The following POU6F2 variants were observed in gnomAD, a reference collection of about 807,000 sequenced individuals.
POU6F2 encodes the protein POU class 6 homeobox 2.
In POU6F2, 31 loss-of-function variants were observed where a neutral mutation model predicts 71.3. That is an observed-to-expected ratio of 0.43 (90% CI 0.33 to 0.59). The LOEUF (loss-of-function observed/expected upper bound fraction) is 0.59. POU6F2 is among the 20% of genes least tolerant of loss of function. The probability of loss-of-function intolerance (pLI) is 0.04; values close to 1 mark genes in which losing one functional copy is unlikely to be tolerated. For synonymous variants in POU6F2, 347 were observed against 355.7 expected, an observed-to-expected ratio of 0.98 and a Z score of 0.27; for missense variants, 783 against 856.8, an observed-to-expected ratio of 0.91 and a Z score of 1.07.
chr7:39,432,754 T>A (rs1450098031), intron 6 of POU6F2, among the ~76,000 whole-genome samples: 2 of 152,002 alleles, frequency 1.3e-5, no homozygotes, highest in Non-Finnish European at 1.5e-5. Context: ...GAGAAGCCCA[T>A]CCTCCCTCTG....
intron 5 of POU6F2, among the ~76,000 whole-genome samples, chr7:39,340,997 G>A (rs568255877): frequency 1.1e-4 from 17 of 152,286 alleles, no homozygotes; most frequent in African/African-American, 4.1e-4. Flanking sequence ...GCAGCCTGTG[G>A]ACCTGTTTCA....
At chr7:39,129,624 TATAGATAGATAG>T (rs3999864) in intron 2 of POU6F2, among the ~76,000 whole-genome samples, 268 of 149,346 alleles carry the variant, frequency 1.8e-3, no homozygotes, top group East Asian at 2.6e-3. Flanking sequence ...ACAATAGATA[TATAGATAGATAG>T]ATAGATAGAT....
At chr7:39,284,873 G>T (rs1475989148) in intron 4 of POU6F2, among the ~76,000 whole-genome samples, 3 of 152,138 alleles carry the variant, frequency 2.0e-5, no homozygotes, top group African/African-American at 7.2e-5. Context: ...CCAAATATCT[G>T]TAGTCCCTAA....
chr7:39,345,720 A>C (rs1786020516), intron 5 of POU6F2, among the ~76,000 whole-genome samples: 1 of 152,212 alleles, frequency 6.6e-6, no homozygotes, highest in South Asian at 2.1e-4. Context: ...AAGAATCCAC[A>C]TGGGGTAGGC....
intron 4 of POU6F2, among the ~76,000 whole-genome samples, chr7:39,289,798 G>A (rs1784717122): frequency 6.6e-6 from 1 of 152,204 alleles, no homozygotes; most frequent in South Asian, 2.1e-4. Flanking sequence ...TTCAGTCAGA[G>A]ATGTTACATT....
intron 1 of POU6F2, chr7:39,034,386 A>G (rs1790011998): frequency 3.3e-6 from 1 of 306,114 alleles, no homozygotes. Flanking sequence ...AGTAGGAGAG[A>G]GGGGGGAGGC....
intron 1 of POU6F2, among the ~76,000 whole-genome samples, chr7:39,078,845 A>G (rs1188545610): frequency 6.6e-6 from 1 of 152,176 alleles, no homozygotes; most frequent in African/African-American, 2.4e-5. Flanking sequence ...ATGCCTGGCT[A>G]CTGGGAAATG....
rs146320821 is a variant in POU6F2, at chr7:39,306,426, C to T, written c.599-33216C>T. Among the ~76,000 whole-genome samples, 274 of 152,212 alleles carry T rather than the reference C, an allele frequency of 1.8e-3. 3 individuals carry two copies. The highest frequency in any genetic ancestry group is 5.7e-3 in the African/African-American group (237 of 41,528). ...AAGCTTGCTTTATGGATGAGGAAAC[C>T]GAGGTTCAGGAGGTTAAGTAACATA... On this transcript the variant is annotated intron_variant, in intron 4 of 9. Coordinates refer to ENST00000518318, the MANE Select transcript of POU6F2 (RefSeq NM_001370959.1).
rs763260888 is a variant in POU6F2 at position 39,460,674 on chromosome 7, T to C, written c.1617T>C (p.Ser539=). The C allele has an allele frequency of 3.7e-6, 6 of 1,608,590 alleles. No homozygotes were observed. In the African/African-American group the frequency reaches 8.0e-5, roughly 22 times the overall value. ...AGACTCAGGTGGGACAGGCTCTCAG[T>C]GCTACAGAGGGCCCCGCGTACAGCC... The part of the protein sequence containing the change: ...LTQTQVGQAL[S]ATEGPAYSQS... The change falls in exon 9 of 10, where the codon AGT becomes AGC. Residue 539 remains serine (S), a synonymous_variant. Coordinates refer to ENST00000518318, the MANE Select transcript of POU6F2 (RefSeq NM_001370959.1). This position sits in a 1 kb window ranked among gnomAD's most constrained non-coding sequence, Gnocchi z 4.4.
At chr7:39,077,951 G>A (rs966366210) in intron 1 of POU6F2, among the ~76,000 whole-genome samples, 1 of 152,320 alleles carries the variant, frequency 6.6e-6, no homozygotes. Flanking sequence ...ATCACCCGGT[G>A]CAGTGGGTTG....
chr7:39,283,880 G>A (rs762777649), intron 4 of POU6F2, among the ~76,000 whole-genome samples: 8 of 152,180 alleles, frequency 5.3e-5, no homozygotes, highest in South Asian at 2.1e-4. Flanking sequence ...CTCTCAAAGT[G>A]TGACACGTGC....
intron 1 of POU6F2, among the ~76,000 whole-genome samples, chr7:38,988,747 C>T (rs551591522): frequency 1.3e-5 from 2 of 152,214 alleles, no homozygotes; most frequent in South Asian, 4.1e-4. Context: ...GGACGTGGCG[C>T]AAGGCCCTGC....
chr7:39,383,006 A>G (rs535852219), intron 5 of POU6F2, among the ~76,000 whole-genome samples: 1 of 152,362 alleles, frequency 6.6e-6, no homozygotes, highest in African/African-American at 2.4e-5. Context: ...TAAAAAGTGA[A>G]TTTAAAAATT....
chr7:39,047,539 A>AT (rs1229444406), intron 1 of POU6F2, among the ~76,000 whole-genome samples: 3 of 151,846 alleles, frequency 2.0e-5, no homozygotes, highest in South Asian at 4.1e-4. Flanking sequence ...ACGACAATAG[A>AT]TTTTTTGTAT....
At chr7:39,131,627 C>T (rs1215825806) in intron 2 of POU6F2, among the ~76,000 whole-genome samples, 1 of 152,106 alleles carries the variant, frequency 6.6e-6, no homozygotes, top group Non-Finnish European at 1.5e-5. Flanking sequence ...AAGAGCTAGA[C>T]CCATTTTCTA....
chr7:39,235,545 G>A (rs545755064), intron 4 of POU6F2, among the ~76,000 whole-genome samples: 3 of 152,230 alleles, frequency 2.0e-5, no homozygotes, highest in African/African-American at 7.2e-5. Context: ...CAAAGTTTCA[G>A]CCTGTTTCCC....
chr7:39,185,444 G>C (rs773526673), intron 2 of POU6F2, among the ~76,000 whole-genome samples: 18 of 152,100 alleles, frequency 1.2e-4, no homozygotes, highest in Non-Finnish European at 2.2e-4. Context: ...GAAATATAAT[G>C]CTAATGACTT....
chr7:39,312,422 C>G (rs896673400), intron 4 of POU6F2, among the ~76,000 whole-genome samples: 4 of 152,158 alleles, frequency 2.6e-5, no homozygotes, highest in Admixed American at 1.3e-4. Context: ...GACAGTGGTG[C>G]AAGCTCAATA....
chr7:39,297,230 CACACACAT>C (rs1357171467), intron 4 of POU6F2, among the ~76,000 whole-genome samples: 22 of 151,330 alleles, frequency 1.5e-4, no homozygotes, highest in African/African-American at 5.4e-4. Flanking sequence ...CACACACACA[CACACACAT>C]GAATTCACAT....
Sources: allele counts gnomAD v4.1 joint callset (sites outside exome capture counted in the v4.1 genomes callset), GRCh38; gene constraint gnomAD v4.1.1; non-coding constraint Gnocchi (gnomAD v3.1); transcripts MANE v1.5; gene names NCBI Gene and HGNC (gene_info 2026-07-23, HGNC 2026-07-21).